The following GPM6A variants were observed in gnomAD, a reference collection of about 807,000 sequenced individuals.
The protein encoded by GPM6A is glycoprotein M6A, also known as neuronal membrane glycoprotein M6-a.
A neutral mutation model predicts 32.1 loss-of-function variants in GPM6A; 7 were observed. The ratio of observed to expected loss-of-function variants is 0.22; its 90% CI spans 0.12 to 0.41. GPM6A has a LOEUF of 0.41. Ranked by LOEUF, GPM6A falls within the 10% of genes least tolerant of loss-of-function variation. GPM6A has a pLI of 1.00. For synonymous variants in GPM6A, 130 were observed against 123.4 expected (o/e 1.05, Z -0.35); for missense variants, 235 against 347.2 (o/e 0.68, Z 2.57).
At chr4:175,869,125 T>C (rs1201242610) in intron 1 of GPM6A, among the ~76,000 whole-genome samples, 1 of 152,166 alleles carries the variant, frequency 6.6e-6, no homozygotes, top group Non-Finnish European at 1.5e-5. Flanking sequence ...AACAATTACA[T>C]TTCACAGATT....
At chr4:175,892,500 C>G (rs767987491) in intron 1 of GPM6A, among the ~76,000 whole-genome samples, 1 of 152,196 alleles carries the variant, frequency 6.6e-6, no homozygotes, top group Admixed American at 6.5e-5. Context: ...CTGTTGCACT[C>G]TATTTTTACT....
rs1740461014 is a variant in GPM6A at position 175,634,440 on chromosome 4, T to TA, written c.*464dup. On this transcript the variant is annotated 3_prime_UTR_variant, in exon 7 of 7. Coordinates refer to ENST00000393658, the MANE Select transcript of GPM6A (RefSeq NM_201591.3). ...TCAAGAGTCATCAAGATGTAATCTC[T>TA]ATCTATTGTTCATAATGTACAATGG... The TA allele has an allele frequency of 6.5e-6, 1 of 153,384 alleles. No individual in the cohort carries two copies. The highest frequency in any genetic ancestry group is 1.5e-5 in the Non-Finnish European group (1 of 68,646). 9.5% of individuals were successfully genotyped at this position (153,384 alleles called of 1,614,324 possible). A position where few individuals can be genotyped will look rare whatever the true frequency, so the allele number is the denominator to read the frequency against.
chr4:175,958,299 G>A (rs1174618464), intron 1 of GPM6A, among the ~76,000 whole-genome samples: 1 of 152,116 alleles, frequency 6.6e-6, no homozygotes, highest in Non-Finnish European at 1.5e-5. Flanking sequence ...CACCTTCAAA[G>A]TACTTTTTAA....
intron 1 of GPM6A, among the ~76,000 whole-genome samples, chr4:175,879,246 A>G (rs1189178943): frequency 2.6e-5 from 4 of 151,936 alleles, no homozygotes; most frequent in African/African-American, 9.7e-5. Flanking sequence ...AACTGTTCCA[A>G]CCTCTGCCTG....
chr4:175,891,142 C>T (rs574860082), intron 1 of GPM6A, among the ~76,000 whole-genome samples: 12 of 152,226 alleles, frequency 7.9e-5, no homozygotes, highest in Admixed American at 3.3e-4. Flanking sequence ...CAGACAAAGC[C>T]ACCTTGTGAT....
chr4:175,729,521 G>A (rs1020733459), intron 1 of GPM6A, among the ~76,000 whole-genome samples: 8 of 151,954 alleles, frequency 5.3e-5, no homozygotes, highest in African/African-American at 1.7e-4. Flanking sequence ...ATAAGAACTA[G>A]TATTTGCTAG....
intron 1 of GPM6A, among the ~76,000 whole-genome samples, chr4:175,753,216 A>G (rs995803305): frequency 1.3e-5 from 2 of 152,290 alleles, no homozygotes; most frequent in East Asian, 3.9e-4. Flanking sequence ...TAATTTTACC[A>G]TGAAACATAT....
At chr4:175,988,375 A>G (rs1361771604) in intron 1 of GPM6A, among the ~76,000 whole-genome samples, 1 of 152,236 alleles carries the variant, frequency 6.6e-6, no homozygotes, top group Non-Finnish European at 1.5e-5. Flanking sequence ...TTACTTGTTC[A>G]GAAATGAACA....
chr4:175,810,967 A>T (rs1734894722), intron 1 of GPM6A, among the ~76,000 whole-genome samples: 1 of 152,156 alleles, frequency 6.6e-6, no homozygotes, highest in African/African-American at 2.4e-5. Context: ...TAAGGGTACT[A>T]AGGACTAAAA....
intron 1 of GPM6A, among the ~76,000 whole-genome samples, chr4:175,732,074 C>T (rs191667419): frequency 0.025 from 3,670 of 149,480 alleles, 69 homozygotes; most frequent in Non-Finnish European, 0.036. Flanking sequence ...TCAAGCGATT[C>T]GCCTGCCTCA....
chr4:175,813,531 C>T (rs901035486), upstream of GPM6A, among the ~76,000 whole-genome samples: 1 of 151,944 alleles, frequency 6.6e-6, no homozygotes, highest in African/African-American at 2.4e-5. Flanking sequence ...GGGACAGAAA[C>T]ACACACAGAG....
At chr4:175,759,303 G>A (rs891012247) in intron 1 of GPM6A, among the ~76,000 whole-genome samples, 2 of 151,782 alleles carry the variant, frequency 1.3e-5, no homozygotes, top group Non-Finnish European at 2.9e-5. Flanking sequence ...AATACGGGGG[G>A]GGCAAGAGAA....
chr4:175,788,228 G>C (rs1016391893), intron 1 of GPM6A: 12 of 151,966 alleles, frequency 7.9e-5, no homozygotes, highest in African/African-American at 2.9e-4. Flanking sequence ...ACAACAGAAA[G>C]GAAAAGGAGA....
At chr4:175,906,477 C>A (rs531297800) in intron 1 of GPM6A, among the ~76,000 whole-genome samples, 5 of 152,000 alleles carry the variant, frequency 3.3e-5, no homozygotes, top group African/African-American at 4.8e-5. Flanking sequence ...AGAAAACAAG[C>A]CTTCAAACTC....
intron 1 of GPM6A, among the ~76,000 whole-genome samples, chr4:175,878,713 C>T (rs1236607561): frequency 1.3e-5 from 2 of 152,038 alleles, no homozygotes; most frequent in East Asian, 3.9e-4. Flanking sequence ...GAGCATTTTC[C>T]CCATGGTCTG....
intron 1 of GPM6A, among the ~76,000 whole-genome samples, chr4:175,957,341 T>C (rs939539833): frequency 1.3e-5 from 2 of 152,272 alleles, no homozygotes; most frequent in South Asian, 2.1e-4. Context: ...TGCTCTCAAG[T>C]CCATTAATTA....
In GPM6A at chr4:175,932,601, A is replaced by C. The variant is rs539892227; in HGVS notation, c.-23+69708T>G. Among the ~76,000 whole-genome samples, 8 of 152,332 alleles carry C rather than the reference A, an allele frequency of 5.3e-5. 1 individual carries two copies. The South Asian group carries it at 1.2e-3, about 24-fold the overall frequency. Reference sequence around the variant, plus strand: ...ATTTCAAAATATTTATTGATGAGATAATTGGTGGTTTAAAACAAAAATAAT... The same window carrying C: ...ATTTCAAAATATTTATTGATGAGATCATTGGTGGTTTAAAACAAAAATAAT... On this transcript the variant is annotated intron_variant, in intron 1 of 7. Transcript: ENST00000280187.
Position 175,727,307 on chromosome 4 carries a change from G to A in GPM6A, c.38-25540C>T, listed in dbSNP as rs1036135341. 9.9e-5 allele frequency among the ~76,000 whole-genome samples: 15 copies of A among 152,202 alleles called. No individual in the cohort carries two copies. The South Asian group carries it at 1.4e-3, about 15-fold the overall frequency. On this transcript the variant is annotated intron_variant, in intron 1 of 6. Transcript: ENST00000393658. ...CTTGAAAACAAAGTTCTACTACGGC[G>A]GTTAGTTCACTCATATCAGAACGTG... is the stretch of plus-strand genomic sequence containing the variant.
At chr4:175,820,170 T>C (rs1447555855) in intron 1 of GPM6A, among the ~76,000 whole-genome samples, 1 of 152,238 alleles carries the variant, frequency 6.6e-6, no homozygotes, top group Non-Finnish European at 1.5e-5. Context: ...ATTTAGCCAT[T>C]AGGACTTTAT....
Sources: gnomAD v4.1 joint callset for allele counts (sites outside exome capture counted in the v4.1 genomes callset) on GRCh38, gnomAD v4.1.1 for gene constraint, MANE v1.5 for transcripts, NCBI Gene and HGNC (gene_info 2026-07-23, HGNC 2026-07-21) for gene names.